Variants in OCA2 observed in about 807,000 individuals in gnomAD.
The protein encoded by OCA2 is P protein.
Under a neutral mutation model 100.2 loss-of-function variants are expected in OCA2, and 77 were observed. That is an observed-to-expected ratio of 0.77 (90% CI 0.64 to 0.93). The LOEUF is 0.93. Among genes scored for constraint, OCA2 ranks in the 40% least tolerant of loss-of-function variants. OCA2 has a pLI of 0.00. For missense variants in OCA2, 1,062 were observed against 1,089.1 expected (o/e 0.98, Z 0.35); for synonymous variants, 432 against 439.2 (o/e 0.98, Z 0.21).
At chr15:27,996,366 AAAAAT>A (rs2041727760) in intron 9 of OCA2, among the ~76,000 whole-genome samples, 1 of 152,164 alleles carries the variant, frequency 6.6e-6, no homozygotes, top group African/African-American at 2.4e-5. Context: ...TTTGTTAATT[AAAAAT>A]AAAATAAAAC....
chr15:27,771,386 T>TA (rs35814221), intron 23 of OCA2, among the ~76,000 whole-genome samples: 69,738 of 131,598 alleles, frequency 0.53, 17,692 homozygotes, highest in East Asian at 0.64. Flanking sequence ...GAGAGAAGCC[T>TA]AAAAAAAAAA....
At chr15:27,848,698 G>T (rs1400623901) in intron 22 of OCA2, among the ~76,000 whole-genome samples, 4 of 152,232 alleles carry the variant, frequency 2.6e-5, no homozygotes, top group African/African-American at 9.6e-5. Flanking sequence ...TCCTGTGTCT[G>T]CAGTATACAT....
At chr15:27,850,596 C>T (rs1263850306) in intron 22 of OCA2, among the ~76,000 whole-genome samples, 2 of 152,136 alleles carry the variant, frequency 1.3e-5, no homozygotes, top group Non-Finnish European at 2.9e-5. Context: ...GCTGACATTA[C>T]AGAAACTTCA....
At position 28,032,052 on chromosome 15, in the gene OCA2, G is replaced by A. The variant is rs2042920037; in HGVS notation, c.326+13C>T. On this transcript the variant is annotated intron_variant, in intron 3 of 23. Transcript: ENST00000354638. ...GAAACTCTTACTTTCATATGAGGGG[G>A]AAAATATCTCACCCTTTCTCCTGTA... 3 of 1,596,460 alleles carry A rather than the reference G, an allele frequency of 1.9e-6. No homozygotes were observed. Among genetic ancestry groups the A allele is most frequent in the African/African-American group, 1.3e-5 (1 of 74,506 alleles).
At chr15:28,076,791 G>A (rs2044441194) in intron 2 of OCA2, among the ~76,000 whole-genome samples, 1 of 146,176 alleles carries the variant, frequency 6.8e-6, no homozygotes, top group South Asian at 2.2e-4. Context: ...AGCTTGCAGT[G>A]AGCCGAGATT....
At chr15:28,050,486 G>A (rs1195212456) in intron 2 of OCA2, among the ~76,000 whole-genome samples, 6 of 151,636 alleles carry the variant, frequency 4.0e-5, no homozygotes, top group Non-Finnish European at 5.9e-5. Context: ...GCTTGAACCC[G>A]GGAGGCGGAG....
At chr15:27,903,468 G>A (rs2038044274) in intron 19 of OCA2, among the ~76,000 whole-genome samples, 6 of 152,324 alleles carry the variant, frequency 3.9e-5, no homozygotes. Context: ...TCTCTAGGAG[G>A]CACTTTCTTT....
intron 18 of OCA2, among the ~76,000 whole-genome samples, chr15:27,936,840 C>T (rs140666161): frequency 1.3e-5 from 2 of 152,268 alleles, no homozygotes; most frequent in East Asian, 1.9e-4. Flanking sequence ...GAAGCTTCTG[C>T]GTGGTTTCCA....
At chr15:27,896,797 A>G (rs1280483380) in intron 19 of OCA2, among the ~76,000 whole-genome samples, 1 of 152,184 alleles carries the variant, frequency 6.6e-6, no homozygotes, top group Non-Finnish European at 1.5e-5. Context: ...TCATTTTTTG[A>G]GGAGAAATTT....
At chr15:27,770,832 T>C (rs1382396564) in intron 23 of OCA2, among the ~76,000 whole-genome samples, 4 of 122,872 alleles carry the variant, frequency 3.3e-5, no homozygotes, top group African/African-American at 6.9e-5. Context: ...CATTCTTCCT[T>C]CCTCCCTCTT....
chr15:27,765,010 G>A (rs1005565404), intron 23 of OCA2, among the ~76,000 whole-genome samples: 5 of 152,172 alleles, frequency 3.3e-5, no homozygotes, highest in Admixed American at 2.6e-4. Context: ...TCCAGGAAAG[G>A]GGTGGGCAAT....
chr15:27,882,847 T>C (rs1381022532), intron 19 of OCA2, among the ~76,000 whole-genome samples: 1 of 152,184 alleles, frequency 6.6e-6, no homozygotes, highest in Non-Finnish European at 1.5e-5. Flanking sequence ...TGCAGATGGT[T>C]CAAATCTCAG....
Position 27,957,920 on chromosome 15 carries a change from C to T in OCA2, c.1637-185G>A, listed in dbSNP as rs917980351. Among the ~76,000 whole-genome samples, 2 of 152,084 alleles carry T rather than the reference C, an allele frequency of 1.3e-5. No homozygotes were observed. Among genetic ancestry groups the T allele is most frequent in the African/African-American group, 4.8e-5 (2 of 41,440 alleles). On this transcript the variant is annotated intron_variant, in intron 15 of 23. Transcript: ENST00000354638. The surrounding 1 kb of genome is among the most constrained non-coding windows in gnomAD (Gnocchi z 4.3). ...TGCAATGGAGCCCAGACGACAAAGC[C>T]GACATTTAAAAATTATCACAAATTG...
chr15:27,899,089 C>T (rs931894918), intron 19 of OCA2, among the ~76,000 whole-genome samples: 10 of 152,150 alleles, frequency 6.6e-5, no homozygotes, highest in African/African-American at 1.7e-4. Context: ...ACCATGACCA[C>T]AGGGGATTTA....
Position 27,780,767 on chromosome 15 carries a change from G to A in OCA2, c.2433-25295C>T, listed in dbSNP as rs550047474. Reference sequence around the variant, plus strand: ...CTTTAAACAACCAGTGTTCTGAGGCGATATCCTTTGAAGAGGAACGGGAGA... The same window carrying A: ...CTTTAAACAACCAGTGTTCTGAGGCAATATCCTTTGAAGAGGAACGGGAGA... On this transcript the variant is annotated intron_variant, in intron 23 of 23. Coordinates refer to ENST00000354638, the MANE Select transcript of OCA2 (RefSeq NM_000275.3). 8.5e-5 allele frequency among the ~76,000 whole-genome samples: 13 copies of A among 152,282 alleles called. No homozygotes were observed. In the South Asian group the frequency reaches 1.9e-3, roughly 22 times the overall value.
intron 1 of OCA2, among the ~76,000 whole-genome samples, chr15:28,095,105 T>C (rs1313700280): frequency 6.6e-6 from 1 of 152,230 alleles, no homozygotes; most frequent in Non-Finnish European, 1.5e-5. Context: ...GGTCACCGCC[T>C]CCTGCCCAGG....
chr15:27,856,228 G>A (rs574390129), intron 21 of OCA2, among the ~76,000 whole-genome samples: 1 of 152,142 alleles, frequency 6.6e-6, no homozygotes, highest in Admixed American at 6.5e-5. Context: ...ATTTAAACTT[G>A]ATTATCTCTG....
intron 23 of OCA2, among the ~76,000 whole-genome samples, chr15:27,774,493 C>T (rs2032076416): frequency 6.6e-6 from 1 of 152,234 alleles, no homozygotes; most frequent in Admixed American, 6.5e-5. Context: ...GTGCAGGCAG[C>T]TTCTTGGTGT....
At chr15:28,064,305 G>A (rs1016992385) in intron 2 of OCA2, among the ~76,000 whole-genome samples, 4 of 151,910 alleles carry the variant, frequency 2.6e-5, no homozygotes, top group Non-Finnish European at 5.9e-5. Flanking sequence ...TCTTGGATTT[G>A]TACATCTGTG....
Sources: gnomAD v4.1 joint callset for allele counts (sites outside exome capture counted in the v4.1 genomes callset) on GRCh38, gnomAD v4.1.1 for gene constraint, Gnocchi (gnomAD v3.1) non-coding constraint, MANE v1.5 for transcripts, NCBI Gene and HGNC (gene_info 2026-07-23, HGNC 2026-07-21) for gene names.